The following KDM5A variants were observed in gnomAD, a reference collection of about 807,000 sequenced individuals.
KDM5A encodes the protein lysine demethylase 5A.
In KDM5A, 42 loss-of-function variants were observed where a neutral mutation model predicts 193.5. The observed-to-expected ratio is 0.22, with a 90% CI of 0.17 to 0.28. The LOEUF (loss-of-function observed/expected upper bound fraction) is 0.28. KDM5A is among the 10% of genes least tolerant of loss of function. KDM5A has a pLI of 1.00. For missense variants in KDM5A, 1,692 were observed against 2,055.1 expected (o/e 0.82, Z 3.42); for synonymous variants, 796 against 718.1 (o/e 1.11, Z -1.73).
chr12:307,023 G>A lies in KDM5A; in HGVS notation c.3997C>T (p.Arg1333Ter), dbSNP rs2137386824. The A allele has an allele frequency of 6.2e-7, 1 of 1,613,928 alleles. No homozygotes were observed. The highest frequency in any genetic ancestry group is 8.5e-7 in the Non-Finnish European group (1 of 1,179,926). Reference protein sequence around the residue: ...RVVSSVSSSPRQTMDYDDEET... With the variant: ...RVVSSVSSSP Reference sequence around the variant, plus strand: ...TCATCATCATAGTCCATTGTTTGTCGAGGAGAAGATGACACACTGCTCACC... The same window carrying A: ...TCATCATCATAGTCCATTGTTTGTCAAGGAGAAGATGACACACTGCTCACC... The change falls in exon 24 of 28, where the codon CGA becomes TGA. Residue 1333 changes from arginine (R) to a stop codon, truncating the protein, a stop_gained. Coordinates refer to ENST00000399788, the MANE Select transcript of KDM5A (RefSeq NM_001042603.3). LOFTEE classifies it high-confidence loss of function. This position sits in a 1 kb window ranked among gnomAD's most constrained non-coding sequence, Gnocchi z 4.3.
intron 10 of KDM5A, among the ~76,000 whole-genome samples, chr12:337,669 G>C (rs1466542566): frequency 1.4e-5 from 2 of 143,988 alleles, no homozygotes; most frequent in African/African-American, 5.3e-5. Flanking sequence ...TTTTGAGACA[G>C]AGTCTCACTG....
chr12:329,228 G>A (rs1943832445), intron 13 of KDM5A, 199 bp from the exon 14 acceptor site: 2 of 593,896 alleles, frequency 3.4e-6, no homozygotes, highest in South Asian at 2.0e-5. Flanking sequence ...CTTTCCCACA[G>A]AAAATTCCCA....
Position 307,310 on chromosome 12 carries a change from A to G in KDM5A, c.3930+144T>C. Reference sequence around the variant, plus strand: ...AGTACGTATCCAAAAAAAGTGCTATAGTGTATGTTGAAGGAGAATGCAATG... The same window carrying G: ...AGTACGTATCCAAAAAAAGTGCTATGGTGTATGTTGAAGGAGAATGCAATG... On this transcript the variant is annotated intron_variant, in intron 23 of 27. Coordinates refer to ENST00000399788, the MANE Select transcript of KDM5A (RefSeq NM_001042603.3). The surrounding 1 kb of genome is among the most constrained non-coding windows in gnomAD (Gnocchi z 4.3). 1 of 1,014,366 alleles carries G rather than the reference A, an allele frequency of 9.9e-7. No homozygotes were observed. The highest frequency in any genetic ancestry group is 2.0e-5 in the Admixed American group (1 of 50,382). 62.8% of individuals were successfully genotyped at this position (1,014,366 alleles called of 1,614,324 possible). A position where few individuals can be genotyped will look rare whatever the true frequency, so the allele number is the denominator to read the frequency against.
rs2137388878 is a variant in KDM5A, at chr12:307,721, G to A, written c.3663C>T (p.Pro1221=). The A allele has an allele frequency of 6.2e-7, 1 of 1,614,160 alleles. No individual in the cohort carries two copies. Among genetic ancestry groups the A allele is most frequent in the South Asian group, 1.1e-5 (1 of 91,086 alleles). The change falls in exon 23 of 28, where the codon CCC becomes CCT. Residue 1221 remains proline, a synonymous_variant. Coordinates refer to ENST00000399788, the MANE Select transcript of KDM5A (RefSeq NM_001042603.3). The surrounding 1 kb of genome is among the most constrained non-coding windows in gnomAD (Gnocchi z 4.3). The part of the protein sequence containing the change: ...LCPLCMRSRR[P]RLETILSLLV... ...GGAGTGACAGAATAGTCTCTAGCCT[G>A]GGCCTTCGAGACCGCATACAAAGAG...
intron 3 of KDM5A, among the ~76,000 whole-genome samples, chr12:376,666 G>A (rs974393372): frequency 2.6e-5 from 4 of 152,308 alleles, no homozygotes; most frequent in Non-Finnish European, 5.9e-5. Context: ...CGTCTTCTGC[G>A]TCGCTCACGC....
intron 19 of KDM5A, among the ~76,000 whole-genome samples, chr12:317,094 T>C (rs1943659119): frequency 3.3e-5 from 5 of 152,178 alleles, no homozygotes; most frequent in Admixed American, 3.3e-4. Context: ...CAGTCAGATA[T>C]AAACACTTTA....
intron 14 of KDM5A, among the ~76,000 whole-genome samples, chr12:325,948 A>T (rs1943777802): frequency 6.6e-6 from 1 of 152,090 alleles, no homozygotes; most frequent in Admixed American, 6.5e-5. Flanking sequence ...CAGGGGGCAG[A>T]GGTTGCAGTA....
In KDM5A at chr12:297,108, G is replaced by A. The variant is rs1405397586; in HGVS notation, c.4167C>T (p.His1389=). Residue 1389 remains histidine (H), a synonymous_variant, in exon 25 of 28, where the codon CAC becomes CAT. Transcript: ENST00000399788. ...CACAAAATGAAGGTGCTGTCCACAT[G>A]TGGGTCACCACCTCCTCGGATTTGA... ...IPIKSEEVVT[H]MWTAPSFCAE... The A allele has an allele frequency of 1.9e-6, 3 of 1,614,026 alleles. No homozygotes were observed. Among genetic ancestry groups the A allele is most frequent in the Non-Finnish European group, 2.5e-6 (3 of 1,179,964 alleles).
chr12:316,067 G>A (rs931042868), intron 19 of KDM5A, among the ~76,000 whole-genome samples: 1 of 152,104 alleles, frequency 6.6e-6, no homozygotes, highest in African/African-American at 2.4e-5. Context: ...GTAGAGAGAA[G>A]GCCAAAGGCA....
At position 295,729 on chromosome 12, in the gene KDM5A, T is replaced by C. The variant is rs751150294; in HGVS notation, c.4299A>G (p.Pro1433=). ...SPLVPRSLEP[P]VLELSPGAKA... ...TAGCTCCAGGTGACAACTCCAGCAC[T>C]GGAGGTTCCAAACTTCGGGGCACCA... Residue 1433 remains proline, a synonymous_variant, in exon 26 of 28, where the codon CCA becomes CCG. Transcript: ENST00000399788. The C allele has an allele frequency of 1.9e-6, 3 of 1,613,984 alleles. No individual in the cohort carries two copies. The South Asian group carries it at 3.3e-5, about 18-fold the overall frequency.
At chr12:286,657 A>T (rs955708159) in intron 27 of KDM5A, among the ~76,000 whole-genome samples, 4 of 152,214 alleles carry the variant, frequency 2.6e-5, no homozygotes, top group Non-Finnish European at 4.4e-5. Flanking sequence ...ACCTCTATAC[A>T]ACTTAAGAGA....
rs369410421 is a variant in KDM5A at position 339,453 on chromosome 12, A to T, written c.1309-5031T>A. 8.5e-5 allele frequency among the ~76,000 whole-genome samples: 13 copies of T among 152,304 alleles called. 1 individual carries two copies. In the East Asian group the frequency reaches 1.5e-3, roughly 18 times the overall value. ...TAACAAAAACAGAGTCCTGAGTAAA[A>T]CATTTTTGCTTAGAGAATAAACAGC... On this transcript the variant is annotated intron_variant, in intron 10 of 27. Coordinates refer to ENST00000399788, the MANE Select transcript of KDM5A (RefSeq NM_001042603.3).
At chr12:326,864 C>CAAAA (rs61571425) in intron 14 of KDM5A, among the ~76,000 whole-genome samples, 125 of 85,994 alleles carry the variant, frequency 1.5e-3, no homozygotes, top group Middle Eastern at 8.2e-3. Flanking sequence ...GACTCTGTCT[C>CAAAA]AAAAAAAAAA....
chr12:307,022 C>T lies in KDM5A; in HGVS notation c.3998G>A (p.Arg1333Gln), dbSNP rs201274262. ...RVVSSVSSSPRQTMDYDDEET... is the reference protein window; with the variant it reads ...RVVSSVSSSPQQTMDYDDEET... Reference sequence around the variant, plus strand: ...TTCATCATCATAGTCCATTGTTTGTCGAGGAGAAGATGACACACTGCTCAC... The same window carrying T: ...TTCATCATCATAGTCCATTGTTTGTTGAGGAGAAGATGACACACTGCTCAC... Residue 1333 changes from arginine (R) to glutamine (Q), a missense_variant, in exon 24 of 28, where the codon CGA (arginine) becomes CAA (glutamine). Physicochemically the swap from Arg to Gln is conservative, Grantham distance 43 (BLOSUM62 1). Around this residue, in one of 11 missense-constraint regions of KDM5A, gnomAD observed 965 missense variants for 1,061.0 expected, o/e 0.91. Coordinates refer to ENST00000399788, the MANE Select transcript of KDM5A (RefSeq NM_001042603.3). The surrounding 1 kb of genome is among the most constrained non-coding windows in gnomAD (Gnocchi z 4.3). 14 of 1,613,810 alleles carry T rather than the reference C, an allele frequency of 8.7e-6. No individual in the cohort carries two copies. Among genetic ancestry groups the T allele is most frequent in the African/African-American group, 2.7e-5 (2 of 74,958 alleles).
intron 24 of KDM5A, among the ~76,000 whole-genome samples, chr12:304,976 AC>A (rs1388009250): frequency 6.6e-6 from 1 of 152,154 alleles, no homozygotes; most frequent in African/African-American, 2.4e-5. Flanking sequence ...GCTCTTAGTC[AC>A]CCTATATACA....
At chr12:312,936 G>A (rs1225479814) in intron 20 of KDM5A, 120 bp downstream of exon 20, 7 of 1,141,088 alleles carry the variant, frequency 6.1e-6, no homozygotes, top group South Asian at 1.3e-5. Context: ...ATCACAAATC[G>A]ATCTAAGTTA....
chr12:366,635 G>T (rs1037028966), intron 3 of KDM5A, among the ~76,000 whole-genome samples: 2 of 152,134 alleles, frequency 1.3e-5, no homozygotes, highest in African/African-American at 4.8e-5. Flanking sequence ...GATCATAAAG[G>T]AACACTGAAA....
At chr12:319,828 C>T (rs185042153) in intron 18 of KDM5A, among the ~76,000 whole-genome samples, 4 of 152,144 alleles carry the variant, frequency 2.6e-5, no homozygotes, top group East Asian at 1.9e-4. Flanking sequence ...CCAGAGTATG[C>T]AGCTGGACAT....
chr12:342,036 T>C (rs1367321649), intron 10 of KDM5A, among the ~76,000 whole-genome samples: 1 of 152,000 alleles, frequency 6.6e-6, no homozygotes, highest in Non-Finnish European at 1.5e-5. Flanking sequence ...AAAAAGCAAC[T>C]GTCAGCTTAG....
Sources: gnomAD v4.1 joint callset for allele counts (sites outside exome capture counted in the v4.1 genomes callset) on GRCh38, gnomAD v4.1.1 for gene constraint, gnomAD v4.1.1 regional missense constraint, Gnocchi (gnomAD v3.1) non-coding constraint, MANE v1.5 for transcripts, NCBI Gene and HGNC (gene_info 2026-07-23, HGNC 2026-07-21) for gene names.